WWOX: variants seen among roughly 807,000 people sequenced by gnomAD.
WWOX encodes WW domain containing oxidoreductase.
A neutral mutation model predicts 46.2 loss-of-function variants in WWOX; 69 were observed. That is an observed-to-expected ratio of 1.49 (90% CI 1.23 to 1.82). The LOEUF is 1.82. WWOX is among the 40% of genes most tolerant of loss of function. The pLI is 0.00. For missense variants in WWOX, 919 were observed against 542.6 expected (o/e 1.69, Z -6.89); for synonymous variants, 359 against 202.6 (o/e 1.77, Z -6.56).
chr16:78,129,843 A>T (rs991307492), intron 4 of WWOX, among the ~76,000 whole-genome samples: 1 of 152,068 alleles, frequency 6.6e-6, no homozygotes, highest in African/African-American at 2.4e-5. Flanking sequence ...AAAAATTCCT[A>T]TGTTGAAACC....
intron 8 of WWOX, among the ~76,000 whole-genome samples, chr16:78,524,912 C>A (rs1451901947): frequency 7.4e-6 from 1 of 135,518 alleles, no homozygotes; most frequent in African/African-American, 2.8e-5. Context: ...GGCACCCAGG[C>A]TGGAGTGCAG....
intron 8 of WWOX, among the ~76,000 whole-genome samples, chr16:78,721,735 G>A (rs1415051696): frequency 6.6e-6 from 1 of 152,194 alleles, no homozygotes; most frequent in African/African-American, 2.4e-5. Context: ...GAGTTTTTCT[G>A]GGAATCGAAT....
intron 8 of WWOX, among the ~76,000 whole-genome samples, chr16:78,842,126 A>C (rs868234238): frequency 6.6e-6 from 1 of 152,122 alleles, no homozygotes; most frequent in African/African-American, 2.4e-5. Flanking sequence ...TCAGCAATGT[A>C]TCTCTTAAAG....
intron 8 of WWOX, among the ~76,000 whole-genome samples, chr16:78,600,474 C>G (rs557157426): frequency 2.0e-5 from 3 of 152,102 alleles, no homozygotes; most frequent in Non-Finnish European, 2.9e-5. Flanking sequence ...GTATTCTTTT[C>G]TTTCCCCCCA....
intron 8 of WWOX, among the ~76,000 whole-genome samples, chr16:78,442,762 C>G (rs2083472107): frequency 6.6e-6 from 1 of 151,468 alleles, no homozygotes; most frequent in Non-Finnish European, 1.5e-5. Flanking sequence ...GATGAATCAC[C>G]TGAGGTTGGG....
chr16:78,978,353 C>G (rs1039314130), intron 8 of WWOX, among the ~76,000 whole-genome samples: 2 of 151,994 alleles, frequency 1.3e-5, no homozygotes, highest in Non-Finnish European at 1.5e-5. Context: ...GGGTATATAC[C>G]TAGGAGTGGA....
chr16:78,561,361 T>C (rs991471205), intron 8 of WWOX, among the ~76,000 whole-genome samples: 7 of 152,206 alleles, frequency 4.6e-5, no homozygotes, highest in Non-Finnish European at 5.9e-5. Flanking sequence ...TCTCTGACTT[T>C]CCTTGATTTT....
intron 8 of WWOX, among the ~76,000 whole-genome samples, chr16:78,595,918 A>C (rs557075080): frequency 1.3e-5 from 2 of 152,238 alleles, no homozygotes; most frequent in Non-Finnish European, 2.9e-5. Flanking sequence ...TCAATTAAAA[A>C]TACAATAAAA....
intron 8 of WWOX, among the ~76,000 whole-genome samples, chr16:79,026,664 CTGCAG>C (rs2047649123): frequency 7.6e-6 from 1 of 132,348 alleles, no homozygotes; most frequent in African/African-American, 3.0e-5. Context: ...GTCGCCTAGG[CTGCAG>C]TGCAGTGGCG....
chr16:78,994,969 C>CTTCT (rs1382826788), intron 8 of WWOX, among the ~76,000 whole-genome samples: 41 of 114,616 alleles, frequency 3.6e-4, no homozygotes, highest in Admixed American at 1.2e-3. Flanking sequence ...TCTTCTTCTT[C>CTTCT]TTTTTTTTTT....
At chr16:78,462,636 G>A (rs2083978403) in intron 8 of WWOX, among the ~76,000 whole-genome samples, 2 of 152,180 alleles carry the variant, frequency 1.3e-5, no homozygotes, top group African/African-American at 4.8e-5. Context: ...CTTAGCGGAG[G>A]CAGGAGCAGA....
intron 8 of WWOX, among the ~76,000 whole-genome samples, chr16:78,723,554 CTTCTTTTCTT>C (rs55748059): frequency 0.071 from 7,665 of 107,286 alleles, 508 homozygotes; most frequent in East Asian, 0.16. Flanking sequence ...GATTCCCAGC[CTTCTTTTCTT>C]TTCTTTTCTT....
intron 8 of WWOX, among the ~76,000 whole-genome samples, chr16:78,464,971 G>C (rs2084040480): frequency 6.6e-6 from 1 of 152,220 alleles, no homozygotes; most frequent in Admixed American, 6.5e-5. Flanking sequence ...AATTATGGCA[G>C]AAGGCAAAGG....
At chr16:78,637,450 A>G (rs1368563228) in intron 8 of WWOX, among the ~76,000 whole-genome samples, 6 of 151,932 alleles carry the variant, frequency 3.9e-5, no homozygotes, top group African/African-American at 1.5e-4. Flanking sequence ...TCAAAAAAAA[A>G]AAAAAATTGT....
At chr16:78,378,177 G>A (rs1461533812) in intron 5 of WWOX, among the ~76,000 whole-genome samples, 2 of 151,826 alleles carry the variant, frequency 1.3e-5, no homozygotes, top group Admixed American at 1.3e-4. Flanking sequence ...TTTTTGGTGT[G>A]GTTCTGTGTT....
chr16:78,100,252 G>GTGTTT lies in WWOX; in HGVS notation c.107+381_107+385dup, dbSNP rs564390630. 1.2e-3 allele frequency: 1,350 copies of GTGTTT among 1,116,694 alleles called. 16 individuals are homozygous for GTGTTT. In the African/African-American group the frequency reaches 0.02, roughly 17 times the overall value. 69.2% of individuals were successfully genotyped at this position (1,116,694 alleles called of 1,614,324 possible). On this transcript the variant is annotated intron_variant, in intron 1 of 8. Transcript: ENST00000566780. ...GGGTTGCAGGGATAGGAGTTTTGTTGTGTTTTGTTTTGTTTTGTCCAGACC... is the reference window on the plus strand; with the variant it reads ...GGGTTGCAGGGATAGGAGTTTTGTTGTGTTTTGTTTTGTTTTGTTTTGTCCAGACC...
At chr16:78,878,340 C>G (rs888139307) in intron 8 of WWOX, among the ~76,000 whole-genome samples, 1 of 152,098 alleles carries the variant, frequency 6.6e-6, no homozygotes, top group Non-Finnish European at 1.5e-5. Flanking sequence ...CAGGCAGGCC[C>G]CTGGGTTCAA....
At chr16:78,327,125 C>T (rs1163881268) in intron 5 of WWOX, among the ~76,000 whole-genome samples, 1 of 152,164 alleles carries the variant, frequency 6.6e-6, no homozygotes, top group African/African-American at 2.4e-5. Context: ...TAAGTGACCC[C>T]ACACTGAAGA....
intron 8 of WWOX, among the ~76,000 whole-genome samples, chr16:78,705,698 T>C (rs578095874): frequency 2.6e-5 from 4 of 152,010 alleles, no homozygotes. Flanking sequence ...ATTTATTTGC[T>C]TTTTTACTTC....
Sources: allele counts gnomAD v4.1 joint callset (sites outside exome capture counted in the v4.1 genomes callset), GRCh38; gene constraint gnomAD v4.1.1; transcripts MANE v1.5; gene names NCBI Gene and HGNC (gene_info 2026-07-23, HGNC 2026-07-21).